The following MGAT5 variants were observed in gnomAD, a reference collection of about 807,000 sequenced individuals.
The protein encoded by MGAT5 is alpha-1,6-mannosylglycoprotein 6-beta-N-acetylglucosaminyltransferase.
Under a neutral mutation model 94.3 loss-of-function variants are expected in MGAT5, and 30 were observed. That is an observed-to-expected ratio of 0.32 (90% CI 0.24 to 0.43). MGAT5 has a LOEUF of 0.43. Among genes scored for constraint, MGAT5 ranks in the 20% least tolerant of loss-of-function variants. The pLI, the probability that MGAT5 is intolerant of heterozygous loss-of-function variation, is 1.00. For synonymous variants in MGAT5, 310 were observed against 322.9 expected, an observed-to-expected ratio of 0.96 and a Z score of 0.43; for missense variants, 691 against 905.5, an observed-to-expected ratio of 0.76 and a Z score of 3.04.
At chr2:134,258,702 T>C (rs967167664) in intron 1 of MGAT5, among the ~76,000 whole-genome samples, 1 of 152,244 alleles carries the variant, frequency 6.6e-6, no homozygotes, top group Admixed American at 6.5e-5. Context: ...ACACATAAAA[T>C]GTAGCATTTC....
At chr2:134,447,812 G>A (rs1473523859) in intron 15 of MGAT5, among the ~76,000 whole-genome samples, 1 of 152,256 alleles carries the variant, frequency 6.6e-6, no homozygotes, top group Non-Finnish European at 1.5e-5. Context: ...AAAGCCACCA[G>A]GCTCCACCGC....
rs1683825143 is a variant in MGAT5, at chr2:134,268,090, G to C, written c.242-2296G>C. On this transcript the variant is annotated intron_variant, in intron 1 of 15. Coordinates refer to ENST00000281923, the MANE Select transcript of MGAT5 (RefSeq NM_002410.5). This position sits in a 1 kb window ranked among gnomAD's most constrained non-coding sequence, Gnocchi z 4.1. ...TTGTCATTCAGGGAGTAGAGACCAGGGATGCTGCTAAGCATCTTACAATGC... is the reference window on the plus strand; with the variant it reads ...TTGTCATTCAGGGAGTAGAGACCAGCGATGCTGCTAAGCATCTTACAATGC... 6.6e-6 allele frequency among the ~76,000 whole-genome samples: 1 copy of C among 152,146 alleles called. No individual in the cohort carries two copies. Among genetic ancestry groups the C allele is most frequent in the Non-Finnish European group, 1.5e-5 (1 of 68,036 alleles).
chr2:134,339,602 A>G (rs1195953850), intron 6 of MGAT5, among the ~76,000 whole-genome samples: 1 of 152,180 alleles, frequency 6.6e-6, no homozygotes, highest in East Asian at 1.9e-4. Context: ...AAGGAAAAAA[A>G]TGGTCCAATT....
At chr2:134,146,302 A>G (rs1402799801) in intron 1 of MGAT5, among the ~76,000 whole-genome samples, 1 of 152,156 alleles carries the variant, frequency 6.6e-6, no homozygotes, top group Non-Finnish European at 1.5e-5. Context: ...TCATGTCTGT[A>G]ATCCCATCAT....
chr2:134,394,832 T>C (rs1682617308), intron 10 of MGAT5, among the ~76,000 whole-genome samples: 1 of 152,230 alleles, frequency 6.6e-6, no homozygotes, highest in Non-Finnish European at 1.5e-5. Context: ...TTAAACAGTA[T>C]CTGGCCAAGC....
intron 15 of MGAT5, 92 bp from the exon 16 acceptor site, chr2:134,448,557 C>T: frequency 8.6e-7 from 1 of 1,161,084 alleles, no homozygotes; most frequent in Non-Finnish European, 1.3e-6. Flanking sequence ...GAACATCCCC[C>T]CATGCCTCAA....
At chr2:134,431,314 CT>C (rs1377824463) in intron 14 of MGAT5, among the ~76,000 whole-genome samples, 4 of 152,136 alleles carry the variant, frequency 2.6e-5, no homozygotes, top group African/African-American at 9.7e-5. Context: ...TTCCAGGAAT[CT>C]TGTGTTAGGG....
At chr2:134,366,303 T>C (rs1053288152) in intron 10 of MGAT5, among the ~76,000 whole-genome samples, 2 of 152,238 alleles carry the variant, frequency 1.3e-5, no homozygotes, top group Non-Finnish European at 2.9e-5. Flanking sequence ...TTTTGAAATA[T>C]GGGAATTGAA....
chr2:134,373,738 C>T (rs1044331810), intron 10 of MGAT5, among the ~76,000 whole-genome samples: 2 of 152,116 alleles, frequency 1.3e-5, no homozygotes, highest in Admixed American at 6.5e-5. Context: ...CAGAGCTCCT[C>T]GTGGCATCTC....
chr2:134,421,738 G>C (rs1387256015), intron 12 of MGAT5, among the ~76,000 whole-genome samples: 1 of 152,152 alleles, frequency 6.6e-6, no homozygotes, highest in Non-Finnish European at 1.5e-5. Flanking sequence ...CACAGACTAA[G>C]GGTAACATTC....
intron 2 of MGAT5, among the ~76,000 whole-genome samples, chr2:134,299,256 A>G (rs1219704206): frequency 6.6e-6 from 1 of 152,216 alleles, no homozygotes; most frequent in African/African-American, 2.4e-5. Context: ...AGGTATGTGC[A>G]TTTCTGCACA....
chr2:134,376,979 T>G (rs975918734), intron 10 of MGAT5, among the ~76,000 whole-genome samples: 1 of 152,226 alleles, frequency 6.6e-6, no homozygotes, highest in African/African-American at 2.4e-5. Context: ...CATGTTTTTA[T>G]CCTTAAAACG....
chr2:134,154,578 AG>A (rs1687386586), intron 1 of MGAT5, among the ~76,000 whole-genome samples: 1 of 152,136 alleles, frequency 6.6e-6, no homozygotes, highest in African/African-American at 2.4e-5. Flanking sequence ...AGGCTGTGTA[AG>A]CTGGTGGTAA....
intron 1 of MGAT5, among the ~76,000 whole-genome samples, chr2:134,155,589 G>T (rs1400614342): frequency 2.0e-5 from 3 of 152,102 alleles, no homozygotes; most frequent in Non-Finnish European, 4.4e-5. Flanking sequence ...AAAAAATGTT[G>T]GTTGTTATTT....
At chr2:134,442,913 A>G (rs1470482786) in intron 15 of MGAT5, among the ~76,000 whole-genome samples, 2 of 152,012 alleles carry the variant, frequency 1.3e-5, no homozygotes, top group African/African-American at 4.8e-5. Flanking sequence ...TCGATCTAGC[A>G]GGTGTACCAT....
chr2:134,173,175 A>G, intron 1 of MGAT5, among the ~76,000 whole-genome samples: 1 of 152,188 alleles, frequency 6.6e-6, no homozygotes, highest in East Asian at 1.9e-4. Context: ...ATACAAGCAT[A>G]TTTAATCCAT....
intron 14 of MGAT5, among the ~76,000 whole-genome samples, chr2:134,432,826 A>G (rs1249080323): frequency 2.0e-5 from 3 of 152,240 alleles, no homozygotes; most frequent in Admixed American, 6.5e-5. Context: ...AATGTTTAGC[A>G]CTAAGAACAA....
chr2:134,235,727 G>GTTTTTTT (rs111416761), intron 1 of MGAT5, among the ~76,000 whole-genome samples: 1 of 149,352 alleles, frequency 6.7e-6, no homozygotes. Context: ...TAATAATAGG[G>GTTTTTTT]GTTTTTTTTT....
At chr2:134,385,208 T>A (rs528205307) in intron 10 of MGAT5, among the ~76,000 whole-genome samples, 1 of 152,364 alleles carries the variant, frequency 6.6e-6, no homozygotes, top group South Asian at 2.1e-4. Context: ...CTACTTATCC[T>A]TCGTCTATGA....
Sources: allele counts gnomAD v4.1 joint callset (sites outside exome capture counted in the v4.1 genomes callset), GRCh38; gene constraint gnomAD v4.1.1; non-coding constraint Gnocchi (gnomAD v3.1); transcripts MANE v1.5; gene names NCBI Gene and HGNC (gene_info 2026-07-23, HGNC 2026-07-21).